NLRP5: variants seen among roughly 807,000 people sequenced by gnomAD.
NLRP5 encodes NACHT, LRR and PYD domains-containing protein 5.
In NLRP5, 93 loss-of-function variants were observed where a neutral mutation model predicts 113.1. The ratio of observed to expected loss-of-function variants is 0.82; its 90% CI spans 0.70 to 0.98. The LOEUF (loss-of-function observed/expected upper bound fraction) is 0.98. NLRP5 is among the 50% of genes least tolerant of loss of function. NLRP5 has a pLI of 0.00. For synonymous variants in NLRP5, 751 were observed against 600.7 expected, an observed-to-expected ratio of 1.25 and a Z score of -3.66; for missense variants, 1,808 against 1,514.3, an observed-to-expected ratio of 1.19 and a Z score of -3.22.
intron 2 of NLRP5, among the ~76,000 whole-genome samples, chr19:56,007,329 A>C (rs1460958364): frequency 1.4e-5 from 2 of 147,564 alleles, no homozygotes; most frequent in East Asian, 4.0e-4. Context: ...GTGCCGTTGC[A>C]CTCCAGCCTG....
intron 1 of NLRP5, among the ~76,000 whole-genome samples, chr19:56,002,883 G>T (rs1191011194): frequency 6.6e-6 from 1 of 152,072 alleles, no homozygotes; most frequent in Non-Finnish European, 1.5e-5. Context: ...CATTTAGGTT[G>T]GTTCCAAGTC....
intron 11 of NLRP5, among the ~76,000 whole-genome samples, chr19:56,044,432 G>A (rs1222079879): frequency 6.6e-6 from 1 of 152,202 alleles, no homozygotes; most frequent in African/African-American, 2.4e-5. Flanking sequence ...TCTCCGACAT[G>A]TGGCTAGCCA....
At position 56,014,394 on chromosome 19, in the gene NLRP5, C is replaced by T. The variant is rs138450967; in HGVS notation, c.509-1348C>T. On this transcript the variant is annotated intron_variant, in intron 3 of 14. Coordinates refer to ENST00000390649, the MANE Select transcript of NLRP5 (RefSeq NM_153447.4). Reference sequence around the variant, plus strand: ...CCTTGAGAGAGTGAGGCAGGGGAATCGCTTGAACCCAGGAGGTGGAGGTTC... The same window carrying T: ...CCTTGAGAGAGTGAGGCAGGGGAATTGCTTGAACCCAGGAGGTGGAGGTTC... 2.0e-3 allele frequency among the ~76,000 whole-genome samples: 307 copies of T among 151,322 alleles called. 1 individual carries two copies. The highest frequency in any genetic ancestry group is 3.7e-3 in the Non-Finnish European group (252 of 67,930).
At chr19:56,032,409 C>T (rs992319916) in intron 7 of NLRP5, among the ~76,000 whole-genome samples, 149 of 151,524 alleles carry the variant, frequency 9.8e-4, no homozygotes, top group African/African-American at 3.3e-3. Context: ...CATACCCCCT[C>T]GGGTATCGGT....
chr19:56,003,622 C>T (rs1299099725), intron 1 of NLRP5, 114 bp from the exon 2 acceptor site: 2 of 1,251,650 alleles, frequency 1.6e-6, no homozygotes, highest in African/African-American at 1.5e-5. Flanking sequence ...ATGCTTCGTC[C>T]ATGAAGAATT....
chr19:55,986,789 T>G, the NLRP5 span, among the ~76,000 whole-genome samples: 1 of 151,962 alleles, frequency 6.6e-6, no homozygotes, highest in East Asian at 1.9e-4. Flanking sequence ...GGCCCAGAGC[T>G]GGACCTGCTC....
intron 6 of NLRP5, among the ~76,000 whole-genome samples, chr19:56,022,997 A>AGCCAC (rs1306203645): frequency 1.3e-5 from 2 of 152,188 alleles, no homozygotes; most frequent in Non-Finnish European, 2.9e-5. Context: ...AAGTGCTGGG[A>AGCCAC]TTACAGGCGT....
chr19:56,024,703 A>G (rs1394714717), intron 6 of NLRP5, among the ~76,000 whole-genome samples: 1 of 151,508 alleles, frequency 6.6e-6, no homozygotes, highest in African/African-American at 2.4e-5. Context: ...GGCTGCAGTG[A>G]GCCAAGATCA....
At chr19:56,005,107 A>AAAAAATATATATATAT (rs1173746273) in intron 2 of NLRP5, among the ~76,000 whole-genome samples, 1 of 95,344 alleles carries the variant, frequency 1.0e-5, no homozygotes, top group African/African-American at 3.9e-5. Flanking sequence ...AAAAAAAAAA[A>AAAAAATATATATATAT]ATATATATAT....
upstream of NLRP5, among the ~76,000 whole-genome samples, chr19:55,997,554 G>A (rs1981362826): frequency 6.6e-6 from 1 of 152,144 alleles, no homozygotes; most frequent in South Asian, 2.1e-4. Flanking sequence ...AAAGGTAGCT[G>A]GGCATGGTGG....
intron 3 of NLRP5, 129 bp downstream of exon 3, chr19:56,008,982 A>G (rs1305656444): frequency 2.6e-6 from 2 of 782,470 alleles, no homozygotes; most frequent in Admixed American, 4.3e-5. Context: ...ACCCTACATT[A>G]GCTGACCGGA....
chr19:56,001,354 G>A (rs1006090142), intron 1 of NLRP5, among the ~76,000 whole-genome samples: 2 of 148,650 alleles, frequency 1.3e-5, no homozygotes, highest in Non-Finnish European at 3.0e-5. Flanking sequence ...AAACACCACA[G>A]CTTATTGAAT....
intron 2 of NLRP5, among the ~76,000 whole-genome samples, chr19:56,004,331 T>C (rs950855914): frequency 5.9e-5 from 9 of 152,104 alleles, no homozygotes; most frequent in African/African-American, 2.2e-4. Context: ...ATGGACTTCA[T>C]TGAAGTTAAT....
In NLRP5 at chr19:56,027,781, C is replaced by G; in HGVS notation, c.1548C>G (p.Val516=). ...ATCAGCTCACCCCTCGAGGCGTGGT[C>G]CGGCGCTGTCTCAATCTGGAGGAAA... Residue 516 remains valine, a synonymous_variant, in exon 7 of 15, where the codon GTC becomes GTG. Coordinates refer to ENST00000390649, the MANE Select transcript of NLRP5 (RefSeq NM_153447.4). 1 of 1,613,966 alleles carries G rather than the reference C, an allele frequency of 6.2e-7. No individual in the cohort carries two copies. The highest frequency in any genetic ancestry group is 2.2e-5 in the East Asian group (1 of 44,874).
chr19:56,024,379 A>G (rs1474339978), intron 6 of NLRP5, among the ~76,000 whole-genome samples: 16 of 141,188 alleles, frequency 1.1e-4, no homozygotes, highest in African/African-American at 2.4e-4. Context: ...ATATATGTGT[A>G]TATATAACAT....
At chr19:56,008,267 C>T (rs893802338) in intron 2 of NLRP5, among the ~76,000 whole-genome samples, 6 of 151,918 alleles carry the variant, frequency 3.9e-5, no homozygotes, top group Non-Finnish European at 5.9e-5. Flanking sequence ...AGAGAGAGAA[C>T]GCAGTGTCAT....
rs369348579 is a variant in NLRP5 at position 56,048,981 on chromosome 19, T to A, written c.2958-1437T>A. Among the ~76,000 whole-genome samples the A allele has an allele frequency of 6.8e-4, 20 of 29,596 alleles. 1 individual carries two copies. Among genetic ancestry groups the A allele is most frequent in the South Asian group, 1.7e-3 (1 of 576 alleles). 19.4% of individuals were successfully genotyped at this position (29,596 alleles called of 152,430 possible). On this transcript the variant is annotated intron_variant, in intron 11 of 14. Coordinates refer to ENST00000390649, the MANE Select transcript of NLRP5 (RefSeq NM_153447.4). ...TCAAGCTCTGATTTTTTTTTTTAAT[T>A]TTTTTTTTTTTTTTTTTTGAGACAG... is the stretch of plus-strand genomic sequence containing the variant.
At chr19:56,020,943 G>A (rs7256891) in intron 6 of NLRP5, among the ~76,000 whole-genome samples, 10,894 of 149,360 alleles carry the variant, frequency 0.073, 437 homozygotes, top group Middle Eastern at 0.14. Context: ...GCGGTATCTC[G>A]GCTCAGTGCA....
chr19:56,061,560 CTGA>C lies in NLRP5; in HGVS notation c.*35_*37del. Reference sequence around the variant, plus strand: ...GGAAACCTGCCCCACTCACACCCATCTGATGGAGGAACTTTAAACGCTGTTTTC... The same window carrying C: ...GGAAACCTGCCCCACTCACACCCATCTGGAGGAACTTTAAACGCTGTTTTC... On this transcript the variant is annotated 3_prime_UTR_variant, in exon 15 of 15. Transcript: ENST00000390649. 6.2e-7 allele frequency: 1 copy of C among 1,612,522 alleles called. No individual in the cohort carries two copies.
Sources: gnomAD v4.1 joint callset for allele counts (sites outside exome capture counted in the v4.1 genomes callset) on GRCh38, gnomAD v4.1.1 for gene constraint, MANE v1.5 for transcripts, NCBI Gene and HGNC (gene_info 2026-07-23, HGNC 2026-07-21) for gene names.